TP63: variants seen among roughly 807,000 people sequenced by gnomAD.
TP63 encodes the protein tumor protein 63.
Under a neutral mutation model 82.8 loss-of-function variants are expected in TP63, and 17 were observed. That is an observed-to-expected ratio of 0.21 (90% CI 0.14 to 0.31). TP63 has a LOEUF of 0.31. Among genes scored for constraint, TP63 ranks in the 10% least tolerant of loss-of-function variants. The pLI is 1.00. For missense variants in TP63, 648 were observed against 895.3 expected (o/e 0.72, Z 3.52); for synonymous variants, 330 against 321.7 (o/e 1.03, Z -0.28).
the TP63 span, among the ~76,000 whole-genome samples, chr3:189,616,969 G>C: frequency 6.6e-6 from 1 of 152,150 alleles, no homozygotes; most frequent in African/African-American, 2.4e-5. Context: ...ATTAGGCATA[G>C]AATATGTTGC....
intron 4 of TP63, chr3:189,830,138 G>A (rs1712091500): frequency 1.2e-5 from 2 of 169,738 alleles, no homozygotes; most frequent in Admixed American, 6.4e-5. Context: ...GTTGGTTATA[G>A]AAACACAGTT....
chr3:189,880,178 G>A lies in TP63; in HGVS notation c.1350-6216G>A, dbSNP rs1010229966. ...CCCCAAACCGATCAGTGTACCCATA[G>A]AGCCCTATCTCTATATTTTAAGTGT... On this transcript the variant is annotated intron_variant, in intron 10 of 13. Transcript: ENST00000264731. The A allele has an allele frequency of 2.5e-6, 4 of 1,611,950 alleles. No homozygotes were observed. In the African/African-American group the frequency reaches 5.4e-5, roughly 22 times the overall value.
rs1721400846 is a variant in TP63 at position 189,895,481 on chromosome 3, T to C, written c.*979T>C. ...TAGATTGACTAACTCAAATACACATTTGCTACTGTTGTAAGAATTCTGATT... is the reference window on the plus strand; with the variant it reads ...TAGATTGACTAACTCAAATACACATCTGCTACTGTTGTAAGAATTCTGATT... On this transcript the variant is annotated 3_prime_UTR_variant, in exon 14 of 14. Transcript: ENST00000264731. 1 of 219,440 alleles carries C rather than the reference T, an allele frequency of 4.6e-6. No individual in the cohort carries two copies. The highest frequency in any genetic ancestry group is 9.1e-6 in the Non-Finnish European group (1 of 109,442). 13.6% of individuals were successfully genotyped at this position (219,440 alleles called of 1,614,324 possible). A position where few individuals can be genotyped will look rare whatever the true frequency, so the allele number is the denominator to read the frequency against.
At chr3:189,752,245 C>T (rs1721874401) in intron 3 of TP63, among the ~76,000 whole-genome samples, 1 of 152,160 alleles carries the variant, frequency 6.6e-6, no homozygotes, top group Non-Finnish European at 1.5e-5. Flanking sequence ...ATGATCTTGG[C>T]TCACTGCGGC....
At chr3:189,672,909 T>G (rs528102511) in intron 1 of TP63, among the ~76,000 whole-genome samples, 5 of 152,186 alleles carry the variant, frequency 3.3e-5, no homozygotes, top group Admixed American at 3.3e-4. Flanking sequence ...ACCACGATCT[T>G]GGCTTACTGC....
chr3:189,648,245 A>C (rs1712589009), intron 1 of TP63, among the ~76,000 whole-genome samples: 1 of 147,218 alleles, frequency 6.8e-6, no homozygotes, highest in Non-Finnish European at 1.5e-5. Flanking sequence ...CCCTTCACAC[A>C]TTCTCAATTC....
intron 1 of TP63, among the ~76,000 whole-genome samples, chr3:189,679,222 A>G (rs774634879): frequency 1.3e-5 from 2 of 152,052 alleles, no homozygotes; most frequent in African/African-American, 2.4e-5. Flanking sequence ...ACTGGTTTTC[A>G]TAATGGTTGT....
chr3:189,670,464 C>T (rs1714794722), intron 1 of TP63, among the ~76,000 whole-genome samples: 1 of 151,816 alleles, frequency 6.6e-6, no homozygotes, highest in Non-Finnish European at 1.5e-5. Context: ...TTCTTGGAGT[C>T]TAATGTTATA....
intron 4 of TP63, among the ~76,000 whole-genome samples, chr3:189,847,676 A>C (rs1486782463): frequency 6.6e-6 from 1 of 152,226 alleles, no homozygotes; most frequent in Non-Finnish European, 1.5e-5. Context: ...AGGTTAGTGC[A>C]ACCCACTGCT....
chr3:189,779,014 A>G (rs1324017840), intron 3 of TP63, among the ~76,000 whole-genome samples: 1 of 152,126 alleles, frequency 6.6e-6, no homozygotes, highest in Non-Finnish European at 1.5e-5. Flanking sequence ...TATGACTTAT[A>G]ATGAAGCCTG....
At chr3:189,676,175 C>G (rs1715380034) in intron 1 of TP63, among the ~76,000 whole-genome samples, 1 of 152,032 alleles carries the variant, frequency 6.6e-6, no homozygotes, top group Non-Finnish European at 1.5e-5. Context: ...GATGAGGACA[C>G]TTAAGTTCTA....
chr3:189,770,557 T>A (rs1369171702), intron 3 of TP63, among the ~76,000 whole-genome samples: 1 of 139,266 alleles, frequency 7.2e-6, no homozygotes, highest in African/African-American at 2.9e-5. Context: ...AGAGCAAGAC[T>A]CCGTCTCAAA....
chr3:189,686,709 G>A (rs1003596849), intron 1 of TP63, among the ~76,000 whole-genome samples: 3 of 148,530 alleles, frequency 2.0e-5, no homozygotes, highest in African/African-American at 7.4e-5. Flanking sequence ...ACTTTACTCA[G>A]GGGGTGGGGG....
chr3:189,617,302 C>T, the TP63 span, among the ~76,000 whole-genome samples: 1 of 152,300 alleles, frequency 6.6e-6, no homozygotes, highest in Admixed American at 6.5e-5. Flanking sequence ...TGACAAAGAG[C>T]AGAAGAGTTA....
In TP63 at chr3:189,877,616, G is replaced by C. The variant is rs117302617; in HGVS notation, c.1349+4621G>C. 2.7e-3 allele frequency among the ~76,000 whole-genome samples: 416 copies of C among 152,184 alleles called. 3 individuals are homozygous for C. The highest frequency in any genetic ancestry group is 0.024 in the South Asian group (117 of 4,814). ...CCCTTAGTGTTTCCTTCTCTTTTAT[G>C]ATTACTTGACAATTGTGGCTCATTA... On this transcript the variant is annotated intron_variant, in intron 10 of 13. Coordinates refer to ENST00000264731, the MANE Select transcript of TP63 (RefSeq NM_003722.5).
At position 189,889,447 on chromosome 3, in the gene TP63, C is replaced by T. The variant is rs1720794270; in HGVS notation, c.1615C>T (p.Pro539Ser). The change falls in exon 12 of 14, where the codon CCC becomes TCC. Residue 539 changes from proline (P) to serine (S), a missense_variant. Physicochemically the swap from Pro to Ser is moderately conservative, Grantham distance 74. Coordinates refer to ENST00000264731, the MANE Select transcript of TP63 (RefSeq NM_003722.5). ...LSMPSTSHCTPPPPYPTDCSI... is the reference protein window; with the variant it reads ...LSMPSTSHCTSPPPYPTDCSI... ...CATGCCATCCACCTCCCACTGCACA[C>T]CCCCACCTCCGTATCCCACAGATTG... is the stretch of plus-strand genomic sequence containing the variant. 2 of 1,614,044 alleles carry T rather than the reference C, an allele frequency of 1.2e-6. No homozygotes were observed. The highest frequency in any genetic ancestry group is 1.3e-5 in the African/African-American group (1 of 74,928).
At chr3:189,602,857 A>G in the TP63 span, among the ~76,000 whole-genome samples, 1 of 152,168 alleles carries the variant, frequency 6.6e-6, no homozygotes, top group Non-Finnish European at 1.5e-5. Flanking sequence ...CTTTAATGGC[A>G]TAGAGCTAGT....
intron 4 of TP63, among the ~76,000 whole-genome samples, chr3:189,814,298 G>T (rs1727920346): frequency 6.6e-6 from 1 of 152,172 alleles, no homozygotes; most frequent in South Asian, 2.1e-4. Context: ...CTCTTCGATG[G>T]TAAATAGGAT....
intron 3 of TP63, among the ~76,000 whole-genome samples, chr3:189,750,284 G>A (rs1294662246): frequency 6.6e-6 from 1 of 152,146 alleles, no homozygotes; most frequent in African/African-American, 2.4e-5. Flanking sequence ...TGGAAGTAGA[G>A]AGTAGAATGA....
Sources: gnomAD v4.1 joint callset for allele counts (sites outside exome capture counted in the v4.1 genomes callset) on GRCh38, gnomAD v4.1.1 for gene constraint, MANE v1.5 for transcripts, NCBI Gene and HGNC (gene_info 2026-07-23, HGNC 2026-07-21) for gene names.